CNTN4: variants seen among roughly 807,000 people sequenced by gnomAD.
The protein encoded by CNTN4 is contactin 4, also known as contactin-4.
CNTN4 carries 77 observed loss-of-function variants against 122.5 expected under a neutral mutation model. The ratio of observed to expected loss-of-function variants is 0.63; its 90% confidence interval spans 0.52 to 0.76. The LOEUF is 0.76. CNTN4 is among the 30% of genes least tolerant of loss of function. The pLI is 0.00. For synonymous variants in CNTN4, 512 were observed against 447.0 expected (o/e 1.15, Z -1.83); for missense variants, 1,256 against 1,259.1 (o/e 1.00, Z 0.04).
chr3:2,890,651 C>T (rs1010523812), intron 10 of CNTN4, among the ~76,000 whole-genome samples: 1 of 152,198 alleles, frequency 6.6e-6, no homozygotes, highest in Non-Finnish European at 1.5e-5. Flanking sequence ...CAAAAGCCTA[C>T]TAGGCATGAT....
intron 13 of CNTN4, among the ~76,000 whole-genome samples, chr3:2,929,121 T>G (rs1356601643): frequency 6.6e-6 from 1 of 152,220 alleles, no homozygotes; most frequent in African/African-American, 2.4e-5. Flanking sequence ...AAAACATTTC[T>G]TATTGTCTTG....
intron 2 of CNTN4, among the ~76,000 whole-genome samples, chr3:2,279,416 A>G (rs1045811051): frequency 6.6e-6 from 1 of 152,198 alleles, no homozygotes; most frequent in Non-Finnish European, 1.5e-5. Context: ...TACCAACATC[A>G]GATCATTAGG....
Position 2,795,665 on chromosome 3 carries a change from C to T in CNTN4, c.359-23821C>T, listed in dbSNP as rs544466538. Among the ~76,000 whole-genome samples, 6 of 152,036 alleles carry T rather than the reference C, an allele frequency of 3.9e-5. No homozygotes were observed. In the South Asian group the frequency reaches 1.0e-3, roughly 26 times the overall value. Reference sequence around the variant, plus strand: ...CCTCCTGAGTAGCTGGGACCACAGGCGCCCAAGACCACGCTCAGCTAATTT... The same window carrying T: ...CCTCCTGAGTAGCTGGGACCACAGGTGCCCAAGACCACGCTCAGCTAATTT... On this transcript the variant is annotated intron_variant, in intron 6 of 24. Transcript: ENST00000418658.
intron 6 of CNTN4, among the ~76,000 whole-genome samples, chr3:2,816,306 A>G (rs2092728229): frequency 6.7e-6 from 1 of 149,582 alleles, no homozygotes; most frequent in African/African-American, 2.6e-5. Context: ...ATGAGCCGAG[A>G]TCGTGGCACT....
In CNTN4 at chr3:2,659,767, G is replaced by A. The variant is rs143130201; in HGVS notation, c.56-76448G>A. Among the ~76,000 whole-genome samples the A allele has an allele frequency of 4.4e-3, 671 of 152,200 alleles. 2 individuals carry two copies. Among genetic ancestry groups the A allele is most frequent in the Non-Finnish European group, 3.5e-3 (240 of 68,004 alleles). ...CATAATATCTGGTATATTTGATATG[G>A]ACAAATATTTGTTTGATTGTTTTCT... On this transcript the variant is annotated intron_variant, in intron 4 of 24. Transcript: ENST00000418658.
At chr3:2,204,361 A>T (rs2038241535) in intron 2 of CNTN4, among the ~76,000 whole-genome samples, 1 of 152,200 alleles carries the variant, frequency 6.6e-6, no homozygotes, top group South Asian at 2.1e-4. Flanking sequence ...TAATAAAATT[A>T]TATGTAACTA....
chr3:2,781,741 T>C (rs1206555090), intron 6 of CNTN4, among the ~76,000 whole-genome samples: 4 of 126,968 alleles, frequency 3.2e-5, no homozygotes, highest in Admixed American at 2.2e-4. Flanking sequence ...TTTTTTTTTT[T>C]TGAGACGGAG....
At chr3:2,752,656 A>G (rs1043927084) in intron 6 of CNTN4, among the ~76,000 whole-genome samples, 2 of 152,064 alleles carry the variant, frequency 1.3e-5, no homozygotes, top group African/African-American at 4.8e-5. Context: ...CAGCTGAGTA[A>G]ATTGTTCTTA....
In CNTN4 at chr3:2,432,957, A is replaced by G. The variant is rs2048130576; in HGVS notation, c.-89+93724A>G. 1.3e-5 allele frequency among the ~76,000 whole-genome samples: 2 copies of G among 151,768 alleles called. 1 individual carries two copies. Among genetic ancestry groups the G allele is most frequent in the South Asian group, 4.2e-4 (2 of 4,800 alleles). Reference sequence around the variant, plus strand: ...AGTAGCTGGATTACAGGTGCACACCACCACACCCAGCTCATTTGTTTTTTT... The same window carrying G: ...AGTAGCTGGATTACAGGTGCACACCGCCACACCCAGCTCATTTGTTTTTTT... On this transcript the variant is annotated intron_variant, in intron 3 of 24. Transcript: ENST00000418658.
chr3:2,186,405 G>C (rs9809479), intron 2 of CNTN4, among the ~76,000 whole-genome samples: 114,950 of 151,992 alleles, frequency 0.76, 43,823 homozygotes, highest in South Asian at 0.82. Context: ...GTGCATGTGT[G>C]TTTATAGCAG....
At chr3:2,805,008 C>T (rs1250359092) in intron 6 of CNTN4, among the ~76,000 whole-genome samples, 2 of 150,974 alleles carry the variant, frequency 1.3e-5, no homozygotes, top group East Asian at 1.9e-4. Context: ...AATCCCATCT[C>T]TACTAAAAAT....
chr3:2,176,999 G>T (rs1484310490), intron 2 of CNTN4, among the ~76,000 whole-genome samples: 2 of 151,744 alleles, frequency 1.3e-5, no homozygotes, highest in Non-Finnish European at 2.9e-5. Flanking sequence ...GAAATATAAA[G>T]GTAAAAAAAT....
In CNTN4 at chr3:2,246,633, T is replaced by C. The variant is rs552073124; in HGVS notation, c.-144-92545T>C. ...GCAATGCAATGTGTATATACTATTA[T>C]AGGAAATACCAAGAAAAATAAAAAT... On this transcript the variant is annotated intron_variant, in intron 2 of 24. Coordinates refer to ENST00000418658, the MANE Select transcript of CNTN4 (RefSeq NM_175607.3). Among the ~76,000 whole-genome samples the C allele has an allele frequency of 6.6e-5, 10 of 152,102 alleles. 1 individual carries two copies. Among genetic ancestry groups the C allele is most frequent in the African/African-American group, 2.4e-4 (10 of 41,538 alleles).
chr3:2,792,090 A>C (rs900644366), intron 6 of CNTN4, among the ~76,000 whole-genome samples: 1 of 152,182 alleles, frequency 6.6e-6, no homozygotes, highest in African/African-American at 2.4e-5. Flanking sequence ...AAATTAATTA[A>C]TTTTAAAAAC....
chr3:2,262,801 C>T (rs773021461), intron 2 of CNTN4, among the ~76,000 whole-genome samples: 1 of 152,020 alleles, frequency 6.6e-6, no homozygotes, highest in African/African-American at 2.4e-5. Flanking sequence ...TGAGATACAA[C>T]TATATTTTTC....
At chr3:2,529,214 C>A (rs1383609669) in intron 3 of CNTN4, among the ~76,000 whole-genome samples, 1 of 152,130 alleles carries the variant, frequency 6.6e-6, no homozygotes, top group Non-Finnish European at 1.5e-5. Flanking sequence ...ATTTATCATT[C>A]TGTGCCTGGC....
chr3:2,439,069 G>A (rs1032704551), intron 3 of CNTN4, among the ~76,000 whole-genome samples: 5 of 152,164 alleles, frequency 3.3e-5, no homozygotes, highest in African/African-American at 1.2e-4. Flanking sequence ...TGTTAAAATT[G>A]GAGATCCTTA....
chr3:2,354,378 A>G (rs2044777059), intron 3 of CNTN4, among the ~76,000 whole-genome samples: 1 of 152,122 alleles, frequency 6.6e-6, no homozygotes, highest in Non-Finnish European at 1.5e-5. Context: ...TAAAAGTGGA[A>G]AAATTAGCCA....
intron 3 of CNTN4, among the ~76,000 whole-genome samples, chr3:2,381,927 A>T (rs1455417720): frequency 1.3e-5 from 2 of 152,150 alleles, no homozygotes; most frequent in Non-Finnish European, 2.9e-5. Context: ...GTGTAAAATT[A>T]AAAAAATAAA....
Sources: gnomAD v4.1 joint callset for allele counts (sites outside exome capture counted in the v4.1 genomes callset) on GRCh38, gnomAD v4.1.1 for gene constraint, MANE v1.5 for transcripts, NCBI Gene and HGNC (gene_info 2026-07-23, HGNC 2026-07-21) for gene names.